Variants in TMEM102 observed in about 807,000 individuals in gnomAD.
The protein encoded by TMEM102 is DANGER family member 2B.
A neutral mutation model predicts 26.8 loss-of-function variants in TMEM102; 28 were observed. The observed-to-expected ratio is 1.05, with a 90% CI of 0.77 to 1.43. TMEM102 has a LOEUF of 1.43. Among genes scored for constraint, TMEM102 ranks in the 40% most tolerant of loss-of-function variants. The pLI is 0.00. For synonymous variants in TMEM102, 306 were observed against 332.1 expected (o/e 0.92, Z 0.86); for missense variants, 677 against 705.6 (o/e 0.96, Z 0.46).
rs1397432443 is a variant in TMEM102, at chr17:7,436,781, G to C, written c.802G>C (p.Ala268Pro). The part of the protein sequence containing the change: ...WPTLCSAQVA[A>P]WFFATLAAVA... ...CACATTATGTTCCGCCCAGGTGGCT[G>C]CCTGGTTCTTTGCTACGCTGGCGGC... The change falls in exon 3 of 3, where the codon GCC (alanine) becomes CCC (proline). Residue 268 changes from alanine (A) to proline (P), a missense_variant. Ala to Pro is a conservative substitution (Grantham distance 27). Coordinates refer to ENST00000323206, the MANE Select transcript of TMEM102 (RefSeq NM_178518.3). 2 of 1,613,790 alleles carry C rather than the reference G, an allele frequency of 1.2e-6. No homozygotes were observed. The highest frequency in any genetic ancestry group is 2.7e-5 in the African/African-American group (2 of 75,078).
At chr17:7,435,813 T>C in intron 1 of TMEM102, 40 bp from the exon 2 acceptor site, 1 of 1,487,846 alleles carries the variant, frequency 6.7e-7, no homozygotes, top group Non-Finnish European at 9.1e-7. Context: ...GGGGACGACT[T>C]TGTGGCAGCA....
At position 7,436,457 on chromosome 17, in the gene TMEM102, C is replaced by A; in HGVS notation, c.478C>A (p.Gln160Lys). 1 of 1,613,832 alleles carries A rather than the reference C, an allele frequency of 6.2e-7. No homozygotes were observed. Among genetic ancestry groups the A allele is most frequent in the Non-Finnish European group, 8.5e-7 (1 of 1,180,042 alleles). ...VCGTPIREMW[Q>K]DCLGPPVPGA... ...CGGAACCCCCATCCGGGAGATGTGGCAGGATTGCTTAGGACCCCCAGTCCC... is the reference window on the plus strand; with the variant it reads ...CGGAACCCCCATCCGGGAGATGTGGAAGGATTGCTTAGGACCCCCAGTCCC... The change falls in exon 3 of 3, where the codon CAG (glutamine) becomes AAG (lysine). Residue 160 changes from glutamine (Q) to lysine (K), a missense_variant. By Grantham distance (53) the Gln-to-Lys change is moderately conservative (BLOSUM62 1). Transcript: ENST00000323206.
Position 7,435,960 on chromosome 17 carries a change from C to G in TMEM102, c.89C>G (p.Ser30Cys). The change falls in exon 2 of 3, where the codon TCC (serine) becomes TGC (cysteine). Residue 30 changes from serine (S) to cysteine (C), a missense_variant. Physicochemically the swap from Ser to Cys is moderately radical, Grantham distance 112. Coordinates refer to ENST00000323206, the MANE Select transcript of TMEM102 (RefSeq NM_178518.3). ...ARPLTDIDFC[S>C]GAQLQELTQL... ...CCGCTCACGGACATCGACTTCTGCTCCGGGGCGCAGCTGCAGGAATTGACC... is the reference window on the plus strand; with the variant it reads ...CCGCTCACGGACATCGACTTCTGCTGCGGGGCGCAGCTGCAGGAATTGACC... 1 of 1,613,190 alleles carries G rather than the reference C, an allele frequency of 6.2e-7. No homozygotes were observed. The highest frequency in any genetic ancestry group is 8.5e-7 in the Non-Finnish European group (1 of 1,179,984).
chr17:7,436,028 G>C lies in TMEM102; in HGVS notation c.157G>C (p.Gly53Arg), dbSNP rs201641665. 15 of 1,613,628 alleles carry C rather than the reference G, an allele frequency of 9.3e-6. No homozygotes were observed. The highest frequency in any genetic ancestry group is 5.3e-5 in the African/African-American group (4 of 75,068). The change falls in exon 2 of 3, where the codon GGG becomes CGG. Residue 53 changes from glycine to arginine, a missense_variant. Physicochemically the swap from Gly to Arg is moderately radical, Grantham distance 125. Coordinates refer to ENST00000323206, the MANE Select transcript of TMEM102 (RefSeq NM_178518.3). The stretch of plus-strand genomic sequence containing the variant: ...GGGTGTGCAGGAGAGCTGGAGTGAC[G>C]GGCCCAAGCCGGGAGCCGATCTCCT... ...ELGVQESWSD[G>R]PKPGADLLRA...
Position 7,436,776 on chromosome 17 carries a change from T to G in TMEM102, c.797T>G (p.Val266Gly). Residue 266 changes from valine (V) to glycine (G), a missense_variant, in exon 3 of 3, where the codon GTG becomes GGG. Coordinates refer to ENST00000323206, the MANE Select transcript of TMEM102 (RefSeq NM_178518.3). ...EAWPTLCSAQ[V>G]AAWFFATLAA... ...TGGCCCACATTATGTTCCGCCCAGG[T>G]GGCTGCCTGGTTCTTTGCTACGCTG... 1.2e-6 allele frequency: 2 copies of G among 1,613,752 alleles called. No individual in the cohort carries two copies. Among genetic ancestry groups the G allele is most frequent in the South Asian group, 2.2e-5 (2 of 91,090 alleles).
In TMEM102 at chr17:7,436,756, C is replaced by T. The variant is rs1456619999; in HGVS notation, c.777C>T (p.Pro259=). 1 of 1,613,868 alleles carries T rather than the reference C, an allele frequency of 6.2e-7. No individual in the cohort carries two copies. The highest frequency in any genetic ancestry group is 1.3e-5 in the African/African-American group (1 of 75,074). Residue 259 remains proline, a synonymous_variant, in exon 3 of 3, where the codon CCC becomes CCT. Coordinates refer to ENST00000323206, the MANE Select transcript of TMEM102 (RefSeq NM_178518.3). ...CGTCGGAGGCTCGGGAAGCGTGGCC[C>T]ACATTATGTTCCGCCCAGGTGGCTG... The part of the protein sequence containing the change: ...PKPSEAREAW[P]TLCSAQVAAW...
rs1908012175 is a variant in TMEM102, at chr17:7,436,223, C to T, written c.244C>T (p.Pro82Ser). The T allele has an allele frequency of 6.2e-7, 1 of 1,612,126 alleles. No individual in the cohort carries two copies. Among genetic ancestry groups the T allele is most frequent in the Non-Finnish European group, 8.5e-7 (1 of 1,178,968 alleles). Residue 82 changes from proline to serine, a missense_variant, in exon 3 of 3, where the codon CCT becomes TCT. Pro to Ser is a moderately conservative substitution (Grantham distance 74). Transcript: ENST00000323206. ...AGTTCACCGCCGGGACCCTCGCTTT[C>T]CTCCCCAGGCAGAGCTCTTGCTGCT... The part of the protein sequence containing the change: ...GLVHRRDPRF[P>S]PQAELLLLRG...
chr17:7,436,460 G>A lies in TMEM102; in HGVS notation c.481G>A (p.Asp161Asn). The change falls in exon 3 of 3, where the codon GAT becomes AAT. Residue 161 changes from aspartate (D) to asparagine (N), a missense_variant. By Grantham distance (23) the Asp-to-Asn change is conservative. Transcript: ENST00000323206. ...CGTPIREMWQ[D>N]CLGPPVPGAR... is the part of the protein sequence containing the mutation. Reference sequence around the variant, plus strand: ...AACCCCCATCCGGGAGATGTGGCAGGATTGCTTAGGACCCCCAGTCCCAGG... The same window carrying A: ...AACCCCCATCCGGGAGATGTGGCAGAATTGCTTAGGACCCCCAGTCCCAGG... 6.2e-7 allele frequency: 1 copy of A among 1,613,788 alleles called. No homozygotes were observed. Among genetic ancestry groups the A allele is most frequent in the Non-Finnish European group, 8.5e-7 (1 of 1,180,030 alleles).
Position 7,436,054 on chromosome 17 carries a change from C to T in TMEM102, c.183C>T (p.Leu61=). The change falls in exon 2 of 3, where the codon CTC becomes CTT. Residue 61 remains leucine, a synonymous_variant. Coordinates refer to ENST00000323206, the MANE Select transcript of TMEM102 (RefSeq NM_178518.3). ...SDGPKPGADL[L]RAKDFVFSLL... is the part of the protein sequence containing the mutation. ...GGCCCAAGCCGGGAGCCGATCTCCTCCGGGCCAAGGACTTTGTCTTCTCTT... is the reference window on the plus strand; with the variant it reads ...GGCCCAAGCCGGGAGCCGATCTCCTTCGGGCCAAGGACTTTGTCTTCTCTT... The T allele has an allele frequency of 6.2e-7, 1 of 1,613,940 alleles. No individual in the cohort carries two copies. The highest frequency in any genetic ancestry group is 8.5e-7 in the Non-Finnish European group (1 of 1,180,030).
intron 1 of TMEM102, 66 bp downstream of exon 1, chr17:7,435,762 G>T: frequency 2.1e-6 from 2 of 946,584 alleles, no homozygotes; most frequent in South Asian, 3.1e-5. Context: ...TTTGTAGGTT[G>T]TGTCTGGGGC....
chr17:7,436,813 C>G lies in TMEM102; in HGVS notation c.834C>G (p.Ala278=), dbSNP rs766301556. 2 of 1,613,400 alleles carry G rather than the reference C, an allele frequency of 1.2e-6. No individual in the cohort carries two copies. The highest frequency in any genetic ancestry group is 1.7e-6 in the Non-Finnish European group (2 of 1,180,024). Residue 278 remains alanine, a synonymous_variant, in exon 3 of 3, where the codon GCC becomes GCG. Coordinates refer to ENST00000323206, the MANE Select transcript of TMEM102 (RefSeq NM_178518.3). ...AWFFATLAAV[A]ESLIPVPGAP... ...TCTTTGCTACGCTGGCGGCGGTCGC[C>G]GAGTCTCTGATCCCTGTCCCGGGTG...
At position 7,436,186 on chromosome 17, in the gene TMEM102, T is replaced by G; in HGVS notation, c.215-8T>G. 6.3e-7 allele frequency: 1 copy of G among 1,580,780 alleles called. No individual in the cohort carries two copies. The highest frequency in any genetic ancestry group is 8.7e-7 in the Non-Finnish European group (1 of 1,152,664). On this transcript the variant is annotated splice_polypyrimidine_tract_variant and splice_region_variant and intron_variant, in intron 2 of 2. Transcript: ENST00000323206. ...GCGACGCCCTCACGATCCGTTCCCT[T>G]TTTTTAGGTCTAGTTCACCGCCGGG...
At position 7,437,565 on chromosome 17, in the gene TMEM102, TG is replaced by T. The variant is rs1417144791; in HGVS notation, c.*60del. 1.8e-5 allele frequency: 21 copies of T among 1,164,814 alleles called. No homozygotes were observed. The highest frequency in any genetic ancestry group is 2.1e-5 in the Non-Finnish European group (19 of 892,104). The allele number at this position is 1,164,814 out of a possible 1,614,324, so 72.2% of individuals were successfully genotyped here. On this transcript the variant is annotated 3_prime_UTR_variant, in exon 3 of 3. Coordinates refer to ENST00000323206, the MANE Select transcript of TMEM102 (RefSeq NM_178518.3). This position sits in a 1 kb window ranked among gnomAD's most constrained non-coding sequence, Gnocchi z 4.2. ...TGGGCGAGCGGGACGTGGGGGGCCCTGCTCGCCCCTCGCCAGGGGGACTGAC... is the reference window on the plus strand; with the variant it reads ...TGGGCGAGCGGGACGTGGGGGGCCCTCTCGCCCCTCGCCAGGGGGACTGAC...
chr17:7,435,689 T>C lies in TMEM102; in HGVS notation c.-27T>C, dbSNP rs1907982919. On this transcript the variant is annotated 5_prime_UTR_variant, in exon 1 of 3. The change abolishes the stop of an existing upstream ORF in the 5' untranslated region. Transcript: ENST00000323206. ...CCTGCCTATGAGAAAAGGGCCAGGATAGAAGAGGTATTTATTTGTTCATTT... is the reference window on the plus strand; with the variant it reads ...CCTGCCTATGAGAAAAGGGCCAGGACAGAAGAGGTATTTATTTGTTCATTT... 3 of 598,788 alleles carry C rather than the reference T, an allele frequency of 5.0e-6. No individual in the cohort carries two copies. Among genetic ancestry groups the C allele is most frequent in the African/African-American group, 1.8e-5 (1 of 54,096 alleles). 37.1% of individuals were successfully genotyped at this position (598,788 alleles called of 1,614,324 possible).
At position 7,437,397 on chromosome 17, in the gene TMEM102, T is replaced by C; in HGVS notation, c.1418T>C (p.Leu473Ser). The C allele has an allele frequency of 6.5e-7, 1 of 1,539,518 alleles. No homozygotes were observed. Among genetic ancestry groups the C allele is most frequent in the Non-Finnish European group, 8.7e-7 (1 of 1,143,148 alleles). The change falls in exon 3 of 3, where the codon TTG becomes TCG. Residue 473 changes from leucine to serine, a missense_variant. Leu to Ser is a moderately radical substitution (Grantham distance 145, BLOSUM62 -2). Transcript: ENST00000323206. The surrounding 1 kb of genome is among the most constrained non-coding windows in gnomAD (Gnocchi z 4.2). ...GACTCCGCTGCGCTGCTCGGAGAAT[T>C]GGCCCGGCTCCGCGGGGACCCGGCC... ...GDDSAALLGELARLRGDPARA... is the reference protein window; with the variant it reads ...GDDSAALLGESARLRGDPARA...
chr17:7,437,138 G>C lies in TMEM102; in HGVS notation c.1159G>C (p.Ala387Pro), dbSNP rs1406997788. The C allele has an allele frequency of 6.9e-7, 1 of 1,457,716 alleles. No individual in the cohort carries two copies. The highest frequency in any genetic ancestry group is 1.4e-5 in the South Asian group (1 of 70,926). 90.3% of individuals were successfully genotyped at this position (1,457,716 alleles called of 1,614,324 possible). Reference sequence around the variant, plus strand: ...ACCAGCGCCGCTGCTGCAGGCGCACGCGGCGGCCCAGGCGCTACTGCGCCC... The same window carrying C: ...ACCAGCGCCGCTGCTGCAGGCGCACCCGGCGGCCCAGGCGCTACTGCGCCC... ...RIPAPLLQAH[A>P]AAQALLRPLV... The change falls in exon 3 of 3, where the codon GCG becomes CCG. Residue 387 changes from alanine (A) to proline (P), a missense_variant. Ala to Pro is a conservative substitution (Grantham distance 27). Transcript: ENST00000323206. The surrounding 1 kb of genome is among the most constrained non-coding windows in gnomAD (Gnocchi z 4.2).
rs987527414 is a variant in TMEM102 at position 7,437,451 on chromosome 17, C to G, written c.1472C>G (p.Ala491Gly). The change falls in exon 3 of 3, where the codon GCC becomes GGC. Residue 491 changes from alanine to glycine, a missense_variant. Coordinates refer to ENST00000323206, the MANE Select transcript of TMEM102 (RefSeq NM_178518.3). This position sits in a 1 kb window ranked among gnomAD's most constrained non-coding sequence, Gnocchi z 4.2. ...GCCCTCCGTGCCGCGGTGGAGGAGG[C>G]CAAAGTGGCCCGCAAGGGGGGCGGT... ...ARALRAAVEE[A>G]KVARKGGGLA... 3 of 1,437,538 alleles carry G rather than the reference C, an allele frequency of 2.1e-6. No individual in the cohort carries two copies. Among genetic ancestry groups the G allele is most frequent in the Non-Finnish European group, 1.8e-6 (2 of 1,095,760 alleles). 89.0% of individuals were successfully genotyped at this position (1,437,538 alleles called of 1,614,324 possible). A position where few individuals can be genotyped will look rare whatever the true frequency, so the allele number is the denominator to read the frequency against.
Position 7,436,291 on chromosome 17 carries a change from AC to A in TMEM102, c.316del (p.Leu106TrpfsTer17), listed in dbSNP as rs1567671591. On this transcript the variant is annotated frameshift_variant, in exon 3 of 3. Coordinates refer to ENST00000323206, the MANE Select transcript of TMEM102 (RefSeq NM_178518.3). LOFTEE classifies it low-confidence loss of function (END_TRUNC). ...AGGGCTCCCTGGATCTGGGGCATGC[AC>A]CCCTGGGTCCCTACGCCCGGGGACC... ...REGSLDLGHA[P>X]LGPYARGPHY... 6.2e-7 allele frequency: 1 copy of A among 1,613,296 alleles called. No individual in the cohort carries two copies. Among genetic ancestry groups the A allele is most frequent in the Non-Finnish European group, 8.5e-7 (1 of 1,179,986 alleles).
Position 7,436,372 on chromosome 17 carries a change from T to G in TMEM102, c.393T>G (p.Thr131=), listed in dbSNP as rs955974356. The change falls in exon 3 of 3, where the codon ACT becomes ACG. Residue 131 remains threonine (T), a synonymous_variant. Coordinates refer to ENST00000323206, the MANE Select transcript of TMEM102 (RefSeq NM_178518.3). The part of the protein sequence containing the change: ...LLVPMFSLDG[T]ELQLDLESCY... The stretch of plus-strand genomic sequence containing the variant: ...TGCCCATGTTTTCACTGGACGGCAC[T>G]GAACTGCAACTGGACCTGGAATCCT... 6.2e-7 allele frequency: 1 copy of G among 1,613,826 alleles called. No homozygotes were observed. The highest frequency in any genetic ancestry group is 1.7e-5 in the Admixed American group (1 of 60,026).
Sources: allele counts gnomAD v4.1 joint callset, GRCh38; gene constraint gnomAD v4.1.1; non-coding constraint Gnocchi (gnomAD v3.1); transcripts MANE v1.5; gene names NCBI Gene and HGNC (gene_info 2026-07-23, HGNC 2026-07-21).